Variants in AP4B1 observed in about 807,000 individuals in gnomAD.
The protein encoded by AP4B1 is adaptor related protein complex 4 subunit beta 1.
Under a neutral mutation model 76.5 loss-of-function variants are expected in AP4B1, and 49 were observed. That is an observed-to-expected ratio of 0.64 (90% CI 0.51 to 0.81). The LOEUF (loss-of-function observed/expected upper bound fraction) is 0.81, where lower values mean the gene tolerates loss of function less well. Among genes scored for constraint, AP4B1 ranks in the 40% least tolerant of loss-of-function variants. The pLI is 0.00. For synonymous variants in AP4B1, 330 were observed against 333.3 expected (o/e 0.99, Z 0.11); for missense variants, 911 against 904.9 (o/e 1.01, Z -0.09).
At chr1:113,902,886 G>A in intron 1 of AP4B1, 24 bp from the exon 2 acceptor site, 1 of 1,608,390 alleles carries the variant, frequency 6.2e-7, no homozygotes, top group South Asian at 1.1e-5. Flanking sequence ...ATGACAGAAG[G>A]AAGTAAAATG....
chr1:113,898,954 A>T (rs1235091688), intron 5 of AP4B1, among the ~76,000 whole-genome samples, 153 bp from the exon 6 acceptor site: 2 of 152,204 alleles, frequency 1.3e-5, no homozygotes, highest in East Asian at 1.9e-4. Flanking sequence ...AACTAAGAAT[A>T]TAAGTTTACT....
intron 3 of AP4B1, 120 bp from the exon 4 acceptor site, chr1:113,901,503 G>T: frequency 7.9e-7 from 1 of 1,273,052 alleles, no homozygotes; most frequent in Non-Finnish European, 1.1e-6. Context: ...AATGACAAAG[G>T]CCACACTAAA....
Sources: allele counts gnomAD v4.1 joint callset (sites outside exome capture counted in the v4.1 genomes callset), GRCh38; gene constraint gnomAD v4.1.1; transcripts MANE v1.5; gene names NCBI Gene and HGNC (gene_info 2026-07-23, HGNC 2026-07-21).